Variants in GLIS1 observed in about 807,000 individuals in gnomAD.
GLIS1 encodes the protein GLIS family zinc finger 1, also known as zinc finger protein GLIS1.
A neutral mutation model predicts 63.8 loss-of-function variants in GLIS1; 24 were observed. The observed-to-expected ratio is 0.38, with a 90% CI of 0.27 to 0.53. GLIS1 has a LOEUF of 0.53. Among genes scored for constraint, GLIS1 ranks in the 20% least tolerant of loss-of-function variants. The probability of loss-of-function intolerance (pLI) is 0.85; values close to 1 mark genes in which losing one functional copy is unlikely to be tolerated. For missense variants in GLIS1, 1,036 were observed against 1,074.1 expected (o/e 0.96, Z 0.50); for synonymous variants, 450 against 482.5 (o/e 0.93, Z 0.88).
At position 53,646,644 on chromosome 1, in the gene GLIS1, G is replaced by C. The variant is rs1034985499; in HGVS notation, c.260-46366C>G. 1.3e-5 allele frequency among the ~76,000 whole-genome samples: 2 copies of C among 151,870 alleles called. No homozygotes were observed. Among genetic ancestry groups the C allele is most frequent in the Non-Finnish European group, 2.9e-5 (2 of 67,978 alleles). On this transcript the variant is annotated intron_variant, in intron 2 of 10. Coordinates refer to ENST00000628545, the MANE Select transcript of GLIS1 (RefSeq NM_001367484.1). The surrounding 1 kb of genome is among the most constrained non-coding windows in gnomAD (Gnocchi z 4.2). ...GGCCAACATGGTAAAACCCCGTCTT[G>C]ACTAAAAATACAAAACTTAGCCAGG...
rs192645900 is a variant in GLIS1 at position 53,644,589 on chromosome 1, G to A, written c.260-44311C>T. ...CAACTGAGTAGAGTAAGGGGATGGG[G>A]GTGCTGGGGTAGGGCAGGGTGCTGA... On this transcript the variant is annotated intron_variant, in intron 2 of 10. Transcript: ENST00000628545. 2.6e-5 allele frequency among the ~76,000 whole-genome samples: 4 copies of A among 152,334 alleles called. No homozygotes were observed. In the East Asian group the frequency reaches 7.7e-4, roughly 29 times the overall value.
chr1:53,550,720 A>G (rs1644749522), intron 4 of GLIS1, among the ~76,000 whole-genome samples: 1 of 152,108 alleles, frequency 6.6e-6, no homozygotes, highest in Non-Finnish European at 1.5e-5. Flanking sequence ...AAAACCACCA[A>G]CATGAATATT....
intron 2 of GLIS1, among the ~76,000 whole-genome samples, chr1:53,669,671 A>G (rs1570019484): frequency 6.6e-6 from 1 of 152,174 alleles, no homozygotes; most frequent in East Asian, 1.9e-4. Flanking sequence ...TCTGGGCTCC[A>G]TAGCCCCAGT....
Position 53,589,412 on chromosome 1 carries a change from G to C in GLIS1, c.1320+4696C>G, listed in dbSNP as rs549206121. Among the ~76,000 whole-genome samples, 52 of 152,308 alleles carry C rather than the reference G, an allele frequency of 3.4e-4. No individual in the cohort carries two copies. The East Asian group carries it at 3.7e-3, about 11-fold the overall frequency. On this transcript the variant is annotated intron_variant, in intron 4 of 10. Coordinates refer to ENST00000628545, the MANE Select transcript of GLIS1 (RefSeq NM_001367484.1). ...TTTGTTTCTCAGGGGCTGGCGGAGG[G>C]GGGTAAAGGTTTGGGGCAAGGCAAA...
chr1:53,545,605 A>AAAT (rs1644689849), intron 4 of GLIS1, among the ~76,000 whole-genome samples: 7 of 152,348 alleles, frequency 4.6e-5, no homozygotes, highest in Non-Finnish European at 8.8e-5. Flanking sequence ...CCAAAATATT[A>AAAT]AACAATGGTT....
At chr1:53,599,429 AG>A (rs1645293494) in intron 3 of GLIS1, among the ~76,000 whole-genome samples, 1 of 152,230 alleles carries the variant, frequency 6.6e-6, no homozygotes, top group South Asian at 2.1e-4. Flanking sequence ...GGGACTCTGC[AG>A]AGGTCCAGCC....
At chr1:53,732,537 T>C (rs2100577058) in intron 2 of GLIS1, among the ~76,000 whole-genome samples, 1 of 152,296 alleles carries the variant, frequency 6.6e-6, no homozygotes, top group South Asian at 2.1e-4. Context: ...AAGTCCGTTT[T>C]TAAACTGCTA....
chr1:53,598,352 G>C lies in GLIS1; in HGVS notation c.437+1749C>G, dbSNP rs1019084572. ...GAGCCCAGGAGTTCAAGACCAGCCC[G>C]GCCAACATGGTGAAACCCCGTCTCT... On this transcript the variant is annotated intron_variant, in intron 3 of 10. Transcript: ENST00000628545. The surrounding 1 kb of genome is among the most constrained non-coding windows in gnomAD (Gnocchi z 4.6). Among the ~76,000 whole-genome samples, 1 of 152,134 alleles carries C rather than the reference G, an allele frequency of 6.6e-6. No individual in the cohort carries two copies. Among genetic ancestry groups the C allele is most frequent in the Non-Finnish European group, 1.5e-5 (1 of 68,032 alleles).
At chr1:53,522,986 C>CTTTTTCTTTTTTTTTTT (rs760283252) in intron 6 of GLIS1, among the ~76,000 whole-genome samples, 3 of 43,690 alleles carry the variant, frequency 6.9e-5, no homozygotes, top group African/African-American at 1.3e-4. Context: ...TCTTTTCTTT[C>CTTTTTCTTTTTTTTTTT]TTTTTTTTTT....
chr1:53,641,065 T>C (rs1470339906), intron 2 of GLIS1, among the ~76,000 whole-genome samples: 1 of 152,094 alleles, frequency 6.6e-6, no homozygotes, highest in Non-Finnish European at 1.5e-5. Context: ...AAAGGGCCCA[T>C]ACTATTGCCT....
intron 8 of GLIS1, among the ~76,000 whole-genome samples, chr1:53,513,899 G>C (rs1162579001): frequency 6.6e-6 from 1 of 152,256 alleles, no homozygotes; most frequent in Non-Finnish European, 1.5e-5. Flanking sequence ...CAGGGAAGGA[G>C]GAAGGTGCTG....
rs557689273 is a variant in GLIS1, at chr1:53,524,696, G to A, written c.1593+81C>T. On this transcript the variant is annotated intron_variant, in intron 6 of 10. Transcript: ENST00000628545. ...AGGGCGAGTGGGTGGGCAGATGCATGTGTTGAGGGTGGGCACCTGGCCTGA... is the reference window on the plus strand; with the variant it reads ...AGGGCGAGTGGGTGGGCAGATGCATATGTTGAGGGTGGGCACCTGGCCTGA... The A allele has an allele frequency of 1.1e-5, 10 of 919,170 alleles. 1 individual carries two copies. The highest frequency in any genetic ancestry group is 9.9e-5 in the South Asian group (7 of 70,464). 56.9% of individuals were successfully genotyped at this position (919,170 alleles called of 1,614,324 possible).
At chr1:53,720,053 G>A (rs552695150) in intron 2 of GLIS1, among the ~76,000 whole-genome samples, 2 of 152,318 alleles carry the variant, frequency 1.3e-5, no homozygotes, top group Admixed American at 6.5e-5. Context: ...GCATGCGCCT[G>A]TAATCCCAGC....
chr1:53,707,128 C>T (rs1313840837), intron 2 of GLIS1, among the ~76,000 whole-genome samples: 2 of 152,162 alleles, frequency 1.3e-5, no homozygotes, highest in African/African-American at 4.8e-5. Flanking sequence ...CCCTTCCAGT[C>T]CCCTTCCTTC....
At chr1:53,693,157 G>A (rs569490263) in intron 2 of GLIS1, among the ~76,000 whole-genome samples, 28 of 152,154 alleles carry the variant, frequency 1.8e-4, no homozygotes, top group Non-Finnish European at 3.7e-4. Context: ...TATGTTACAC[G>A]CACTGTTTCA....
intron 7 of GLIS1, among the ~76,000 whole-genome samples, chr1:53,515,170 C>CTGT (rs1163580409): frequency 2.6e-5 from 4 of 151,526 alleles, no homozygotes; most frequent in Admixed American, 6.6e-5. Flanking sequence ...CTCTGTGATG[C>CTGT]TGTCCTGGAA....
intron 3 of GLIS1, among the ~76,000 whole-genome samples, chr1:53,597,569 C>T (rs1189686611): frequency 1.3e-5 from 2 of 152,026 alleles, no homozygotes; most frequent in African/African-American, 2.4e-5. Flanking sequence ...AGGCAGCTGG[C>T]GCAGGAGCCC....
intron 2 of GLIS1, among the ~76,000 whole-genome samples, chr1:53,638,155 G>A (rs1645747099): frequency 6.6e-6 from 1 of 152,214 alleles, no homozygotes; most frequent in Admixed American, 6.5e-5. Flanking sequence ...ACGGTGTAAG[G>A]GTCAGGGAAG....
chr1:53,584,444 C>T (rs1645114423), intron 4 of GLIS1, among the ~76,000 whole-genome samples: 1 of 152,218 alleles, frequency 6.6e-6, no homozygotes, highest in African/African-American at 2.4e-5. Flanking sequence ...TGCCCACCCA[C>T]CTGTCAGAGC....
Sources: allele counts gnomAD v4.1 joint callset (sites outside exome capture counted in the v4.1 genomes callset), GRCh38; gene constraint gnomAD v4.1.1; non-coding constraint Gnocchi (gnomAD v3.1); transcripts MANE v1.5; gene names NCBI Gene and HGNC (gene_info 2026-07-23, HGNC 2026-07-21).